PFAS: variants seen among roughly 807,000 people sequenced by gnomAD.
The protein encoded by PFAS is phosphoribosylformylglycinamidine synthase.
PFAS carries 97 observed loss-of-function variants against 140.6 expected under a neutral mutation model. That is an observed-to-expected ratio of 0.69 (90% CI 0.59 to 0.82). PFAS has a LOEUF of 0.82. Ranked by LOEUF, PFAS falls within the 40% of genes least tolerant of loss-of-function variation. PFAS has a pLI of 0.00. For synonymous variants in PFAS, 679 were observed against 718.8 expected, an observed-to-expected ratio of 0.94 and a Z score of 0.88; for missense variants, 1,656 against 1,780.2, an observed-to-expected ratio of 0.93 and a Z score of 1.26.
At chr17:8,264,415 T>C in intron 16 of PFAS, 55 bp from the exon 17 acceptor site, 1 of 1,612,056 alleles carries the variant, frequency 6.2e-7, no homozygotes, top group Non-Finnish European at 8.5e-7. Flanking sequence ...CTTTGTCGCC[T>C]GTGTGCCCAG....
rs753058036 is a variant in PFAS at position 8,254,180 on chromosome 17, A to C, written c.157A>C (p.Ser53Arg). ...TCTCCCTGCAGCTGAGGCCCTCCCC[A>C]GTGCTGAGGAGACAAAGAAGCTGAT... is the stretch of plus-strand genomic sequence containing the variant. ...NVNWTAEALP[S>R]AEETKKLMWL... is the part of the protein sequence containing the mutation. Residue 53 changes from serine to arginine, a missense_variant, in exon 3 of 28, where the codon AGT (serine) becomes CGT (arginine). Physicochemically the swap from Ser to Arg is moderately radical, Grantham distance 110. Transcript: ENST00000314666. 1 of 1,614,158 alleles carries C rather than the reference A, an allele frequency of 6.2e-7. No homozygotes were observed. Among genetic ancestry groups the C allele is most frequent in the South Asian group, 1.1e-5 (1 of 91,080 alleles).
intron 3 of PFAS, among the ~76,000 whole-genome samples, 176 bp from the exon 4 acceptor site, chr17:8,254,851 T>C (rs1328744398): frequency 6.6e-6 from 1 of 152,204 alleles, no homozygotes; most frequent in Non-Finnish European, 1.5e-5. Context: ...AGGACAGTTT[T>C]GGTTTGGTTT....
In PFAS at chr17:8,255,038, C is replaced by T. The variant is rs746133387; in HGVS notation, c.290C>T (p.Ser97Phe). The T allele has an allele frequency of 5.0e-6, 8 of 1,613,662 alleles. No homozygotes were observed. Among genetic ancestry groups the T allele is most frequent in the Non-Finnish European group, 5.9e-6 (7 of 1,179,646 alleles). ...LLEVGPRLNF[S>F]TPTSTNIVSV... ...GGCCCATTGTTCAGGCTGAACTTCTCCACCCCAACATCCACCAACATCGTG... is the reference window on the plus strand; with the variant it reads ...GGCCCATTGTTCAGGCTGAACTTCTTCACCCCAACATCCACCAACATCGTG... Residue 97 changes from serine (S) to phenylalanine (F), a missense_variant, in exon 4 of 28, where the codon TCC becomes TTC. This residue lies in a region of PFAS where 773 missense variants were observed against 757.3 expected (regional missense o/e 1.02). Coordinates refer to ENST00000314666, the MANE Select transcript of PFAS (RefSeq NM_012393.3).
At chr17:8,268,312 G>A (rs1465044721) in intron 26 of PFAS, among the ~76,000 whole-genome samples, 1 of 145,830 alleles carries the variant, frequency 6.9e-6, no homozygotes, top group East Asian at 2.1e-4. Context: ...GGCAGAGGTT[G>A]TAGTGAGCCG....
chr17:8,252,855 C>A (rs1418393060), intron 1 of PFAS, among the ~76,000 whole-genome samples: 1 of 152,026 alleles, frequency 6.6e-6, no homozygotes, highest in Non-Finnish European at 1.5e-5. Context: ...CGCCTGTGCT[C>A]AATCCTCCCA....
Position 8,267,841 on chromosome 17 carries a change from A to G in PFAS, c.3382+176A>G, listed in dbSNP as rs1989881036. ...CTGGTAGTAAATTTTTAATTTTTTC[A>G]TTGAAAAAAAGTATATATATACACA... is the stretch of plus-strand genomic sequence containing the variant. On this transcript the variant is annotated intron_variant, in intron 26 of 27. Transcript: ENST00000314666. This position sits in a 1 kb window ranked among gnomAD's most constrained non-coding sequence, Gnocchi z 4.9. Among the ~76,000 whole-genome samples, 3 of 149,186 alleles carry G rather than the reference A, an allele frequency of 2.0e-5. No homozygotes were observed. In the South Asian group the frequency reaches 6.3e-4, roughly 31 times the overall value.
intron 9 of PFAS, among the ~76,000 whole-genome samples, chr17:8,257,461 C>T (rs940095486): frequency 9.2e-5 from 14 of 152,032 alleles, no homozygotes; most frequent in African/African-American, 3.1e-4. Context: ...GAGGCTGAGG[C>T]GAGAGAATGG....
chr17:8,267,790 G>T lies in PFAS; in HGVS notation c.3382+125G>T. Reference sequence around the variant, plus strand: ...GAGCTACGAGAGAGTGGGCCCATTCGTTCTGGGCCACATGCCAACAGAAGG... The same window carrying T: ...GAGCTACGAGAGAGTGGGCCCATTCTTTCTGGGCCACATGCCAACAGAAGG... On this transcript the variant is annotated intron_variant, in intron 26 of 27. Coordinates refer to ENST00000314666, the MANE Select transcript of PFAS (RefSeq NM_012393.3). This position sits in a 1 kb window ranked among gnomAD's most constrained non-coding sequence, Gnocchi z 4.9. 2 of 485,554 alleles carry T rather than the reference G, an allele frequency of 4.1e-6. No individual in the cohort carries two copies. The highest frequency in any genetic ancestry group is 4.4e-5 in the South Asian group (1 of 22,674). 30.1% of individuals were successfully genotyped at this position (485,554 alleles called of 1,614,324 possible).
rs1567638670 is a variant in PFAS, at chr17:8,258,091, C to T, written c.1228C>T (p.Leu410Phe). 5 of 1,614,120 alleles carry T rather than the reference C, an allele frequency of 3.1e-6. No homozygotes were observed. Among genetic ancestry groups the T allele is most frequent in the Non-Finnish European group, 3.4e-6 (4 of 1,180,032 alleles). ...VLAGFARSLG[L>F]QLPDGQRREW... ...TCCAGGCTTCGCCCGCTCCTTGGGC[C>T]TCCAGCTCCCAGACGGCCAGCGGCG... Residue 410 changes from leucine to phenylalanine, a missense_variant, in exon 11 of 28, where the codon CTC (leucine) becomes TTC (phenylalanine). By Grantham distance (22) the Leu-to-Phe change is conservative. Around this residue, in one of 2 missense-constraint regions of PFAS, gnomAD observed 773 missense variants for 757.3 expected, o/e 1.02. Coordinates refer to ENST00000314666, the MANE Select transcript of PFAS (RefSeq NM_012393.3).
Position 8,264,306 on chromosome 17 carries a change from T to C in PFAS, c.1886T>C (p.Leu629Pro). The C allele has an allele frequency of 6.2e-7, 1 of 1,613,792 alleles. No homozygotes were observed. The highest frequency in any genetic ancestry group is 8.5e-7 in the Non-Finnish European group (1 of 1,179,932). ...TPLPTPVDLE[L>P]EWVLGKMPRK... Reference sequence around the variant, plus strand: ...CTGCCAACCCCTGTGGACCTGGAGCTCGAATGGGTGCTGGGCAAGATGCCT... The same window carrying C: ...CTGCCAACCCCTGTGGACCTGGAGCCCGAATGGGTGCTGGGCAAGATGCCT... Residue 629 changes from leucine (L) to proline (P), a missense_variant, in exon 16 of 28, where the codon CTC becomes CCC. Coordinates refer to ENST00000314666, the MANE Select transcript of PFAS (RefSeq NM_012393.3).
At chr17:8,256,767 G>T in intron 8 of PFAS, 68 bp from the exon 9 acceptor site, 6 of 1,554,376 alleles carry the variant, frequency 3.9e-6, no homozygotes, top group Non-Finnish European at 5.2e-6. Context: ...CTTATTTTCA[G>T]TGGGGGTGGT....
chr17:8,269,500 G>A lies in PFAS; in HGVS notation c.*236G>A. ...ATGCCCTTTCTCAGCCCAGGAAACA[G>A]CATGTGGTTCAGAGAAAAGAGCGAC... On this transcript the variant is annotated 3_prime_UTR_variant, in exon 28 of 28. Transcript: ENST00000314666. 2.0e-6 allele frequency: 1 copy of A among 502,970 alleles called. No individual in the cohort carries two copies. Among genetic ancestry groups the A allele is most frequent in the South Asian group, 3.3e-5 (1 of 30,610 alleles). 31.2% of individuals were successfully genotyped at this position (502,970 alleles called of 1,614,324 possible). A position where few individuals can be genotyped will look rare whatever the true frequency, so the allele number is the denominator to read the frequency against.
rs779405841 is a variant in PFAS, at chr17:8,256,382, G to C, written c.796G>C (p.Val266Leu). 6.2e-7 allele frequency: 1 copy of C among 1,613,918 alleles called. No homozygotes were observed. The highest frequency in any genetic ancestry group is 1.3e-5 in the African/African-American group (1 of 74,906). The change falls in exon 7 of 28, where the codon GTC becomes CTC. Residue 266 changes from valine to leucine, a missense_variant. Around this residue, in one of 2 missense-constraint regions of PFAS, gnomAD observed 773 missense variants for 757.3 expected, o/e 1.02. Coordinates refer to ENST00000314666, the MANE Select transcript of PFAS (RefSeq NM_012393.3). ...CCAGGAATCCTCGAACCCCAACAAC[G>C]TCCTCAAATTCTGTGATAACAGCAG... ...STQESSNPNNVLKFCDNSSAI... is the reference protein window; with the variant it reads ...STQESSNPNNLLKFCDNSSAI...
chr17:8,257,332 G>A (rs776656024), intron 9 of PFAS, among the ~76,000 whole-genome samples: 3 of 152,114 alleles, frequency 2.0e-5, no homozygotes, highest in African/African-American at 4.8e-5. Flanking sequence ...TGAGGTGGGC[G>A]GATCACAAGG....
chr17:8,253,987 C>T lies in PFAS; in HGVS notation c.50C>T (p.Ala17Val), dbSNP rs1211505769. The T allele has an allele frequency of 6.2e-7, 1 of 1,614,084 alleles. No homozygotes were observed. Among genetic ancestry groups the T allele is most frequent in the African/African-American group, 1.3e-5 (1 of 75,040 alleles). ...FYVRPSGHEG[A>V]APGHTRRKLQ... The stretch of plus-strand genomic sequence containing the variant: ...GTTCGTCCCTCTGGCCATGAGGGGG[C>T]AGCCCCTGGACACACTCGGAGGAAA... The change falls in exon 2 of 28, where the codon GCA becomes GTA. Residue 17 changes from alanine (A) to valine (V), a missense_variant. Ala to Val is a moderately conservative substitution (Grantham distance 64, BLOSUM62 0). Transcript: ENST00000314666.
chr17:8,247,801 G>T, upstream of PFAS: 1 of 608,098 alleles, frequency 1.6e-6, no homozygotes, highest in Non-Finnish European at 3.0e-6. Context: ...CCAGTTTAAG[G>T]CTCACAGCGG....
chr17:8,261,812 T>C (rs1989605238), intron 11 of PFAS, among the ~76,000 whole-genome samples: 1 of 152,006 alleles, frequency 6.6e-6, no homozygotes, highest in Non-Finnish European at 1.5e-5. Context: ...GATTTCACTG[T>C]GTTAGCCAGG....
rs1989306691 is a variant in PFAS at position 8,255,082 on chromosome 17, G to C, written c.334G>C (p.Gly112Arg). The change falls in exon 4 of 28, where the codon GGG becomes CGG. Residue 112 changes from glycine (G) to arginine (R), a missense_variant. Around this residue, in one of 2 missense-constraint regions of PFAS, gnomAD observed 773 missense variants for 757.3 expected, o/e 1.02. Transcript: ENST00000314666. ...TNIVSVCRAT[G>R]LGPVDRVETT... ...CATCGTGTCAGTGTGCCGCGCCACTGGGCTGGGGCCTGTGGATCGTGTGGA... is the reference window on the plus strand; with the variant it reads ...CATCGTGTCAGTGTGCCGCGCCACTCGGCTGGGGCCTGTGGATCGTGTGGA... The C allele has an allele frequency of 1.2e-6, 2 of 1,613,942 alleles. No homozygotes were observed.
At position 8,265,290 on chromosome 17, in the gene PFAS, T is replaced by C. The variant is rs771666309; in HGVS notation, c.2283T>C (p.Asp761=). 6.2e-7 allele frequency: 1 copy of C among 1,612,712 alleles called. No individual in the cohort carries two copies. The highest frequency in any genetic ancestry group is 8.5e-7 in the Non-Finnish European group (1 of 1,179,124). Residue 761 remains aspartate, a splice_region_variant and synonymous_variant, in exon 19 of 28, where the codon GAT becomes GAC. Coordinates refer to ENST00000314666, the MANE Select transcript of PFAS (RefSeq NM_012393.3). ...TGCTGTGCCTCTGCCACCCCCAGGA[T>C]GTGAAGTGTAGCGGGAACTGGATGT... ...LVFALVTDLR[D]VKCSGNWMWA...
Sources: gnomAD v4.1 joint callset for allele counts (sites outside exome capture counted in the v4.1 genomes callset) on GRCh38, gnomAD v4.1.1 for gene constraint, gnomAD v4.1.1 regional missense constraint, Gnocchi (gnomAD v3.1) non-coding constraint, MANE v1.5 for transcripts, NCBI Gene and HGNC (gene_info 2026-07-23, HGNC 2026-07-21) for gene names.